FGF14: variants seen among roughly 807,000 people sequenced by gnomAD.
The protein encoded by FGF14 is fibroblast growth factor homologous factor 4.
Under a neutral mutation model 25.5 loss-of-function variants are expected in FGF14, and 5 were observed. That is an observed-to-expected ratio of 0.20 (90% CI 0.10 to 0.41). The LOEUF is 0.41. Among genes scored for constraint, FGF14 ranks in the 10% least tolerant of loss-of-function variants. The pLI, the probability that FGF14 is intolerant of heterozygous loss-of-function variation, is 1.00. For missense variants in FGF14, 222 were observed against 320.1 expected (o/e 0.69, Z 2.34); for synonymous variants, 138 against 118.3 (o/e 1.17, Z -1.08).
At position 101,810,295 on chromosome 13, in the gene FGF14, C is replaced by A. The variant is rs553836538; in HGVS notation, c.408+58430G>T. ...TTATTTATGTATTTATTTTTATGATCTATGCAGGCAACTGTGCATAGTATT... is the reference window on the plus strand; with the variant it reads ...TTATTTATGTATTTATTTTTATGATATATGCAGGCAACTGTGCATAGTATT... On this transcript the variant is annotated intron_variant, in intron 3 of 4. Coordinates refer to ENST00000376143, the MANE Select transcript of FGF14 (RefSeq NM_004115.4). Among the ~76,000 whole-genome samples, 9 of 152,284 alleles carry A rather than the reference C, an allele frequency of 5.9e-5. No individual in the cohort carries two copies. The South Asian group carries it at 1.9e-3, about 32-fold the overall frequency.
intron 1 of FGF14, among the ~76,000 whole-genome samples, chr13:102,049,593 A>T (rs1275368876): frequency 6.6e-6 from 1 of 152,210 alleles, no homozygotes; most frequent in African/African-American, 2.4e-5. Flanking sequence ...TTAAGGTTCT[A>T]ACCACCAGTA....
At chr13:102,151,728 C>G (rs1377415394) in intron 1 of FGF14, among the ~76,000 whole-genome samples, 1 of 152,104 alleles carries the variant, frequency 6.6e-6, no homozygotes, top group African/African-American at 2.4e-5. Context: ...TCTCGAACTG[C>G]TGAGCTCAGG....
chr13:102,378,631 C>CTA lies in FGF14; in HGVS notation c.208+22838_208+22839dup, dbSNP rs750576641. ...TCTATCTATCTATCTATCTATCTAT[C>CTA]TATATATATATATATCTTCTCTTTT... On this transcript the variant is annotated intron_variant, in intron 1 of 4. Transcript: ENST00000376131. Among the ~76,000 whole-genome samples the CTA allele has an allele frequency of 6.7e-3, 949 of 141,872 alleles. 16 individuals are homozygous for CTA. The highest frequency in any genetic ancestry group is 0.018 in the African/African-American group (695 of 38,146). The allele number at this position is 141,872 out of a possible 152,430, so 93.1% of individuals were successfully genotyped here.
At chr13:102,182,265 C>A (rs2048705703) in intron 1 of FGF14, among the ~76,000 whole-genome samples, 1 of 152,104 alleles carries the variant, frequency 6.6e-6, no homozygotes, top group Non-Finnish European at 1.5e-5. Context: ...AAGGAAAGAG[C>A]CATATGCCAA....
chr13:101,795,277 G>A (rs535077403), intron 3 of FGF14, among the ~76,000 whole-genome samples: 1 of 145,158 alleles, frequency 6.9e-6, no homozygotes, highest in South Asian at 2.1e-4. Context: ...GCCAAATGCT[G>A]CCCTAAGCTG....
Position 102,274,412 on chromosome 13 carries a change from G to C in FGF14, c.208+127059C>G, listed in dbSNP as rs145050711. Among the ~76,000 whole-genome samples, 129 of 152,166 alleles carry C rather than the reference G, an allele frequency of 8.5e-4. 1 individual carries two copies. The highest frequency in any genetic ancestry group is 3.0e-3 in the African/African-American group (123 of 41,508). On this transcript the variant is annotated intron_variant, in intron 1 of 4. Transcript: ENST00000376131. ...TGTCAAGTTGCTTTCTAATGGATCTGGAATTTTATTAGTTATTTATTTGTC... is the reference window on the plus strand; with the variant it reads ...TGTCAAGTTGCTTTCTAATGGATCTCGAATTTTATTAGTTATTTATTTGTC...
At chr13:102,140,194 G>A (rs561309155) in intron 1 of FGF14, among the ~76,000 whole-genome samples, 68 of 152,094 alleles carry the variant, frequency 4.5e-4, no homozygotes, top group African/African-American at 1.6e-3. Context: ...ATAATAATGG[G>A]GTCTTTGAAA....
At chr13:101,875,139 G>T in intron 2 of FGF14, 47 bp downstream of exon 2, 1 of 1,236,060 alleles carries the variant, frequency 8.1e-7, no homozygotes, top group Non-Finnish European at 1.2e-6. Flanking sequence ...AAGTAGCAGT[G>T]TATCTTCTAC....
chr13:101,998,347 A>G (rs779734845), intron 1 of FGF14, among the ~76,000 whole-genome samples: 9 of 151,950 alleles, frequency 5.9e-5, no homozygotes, highest in Non-Finnish European at 1.0e-4. Context: ...TTTTTGATGT[A>G]TGATTTAAGA....
intron 1 of FGF14, among the ~76,000 whole-genome samples, chr13:102,163,488 C>T (rs536956698): frequency 4.3e-4 from 65 of 152,198 alleles, no homozygotes; most frequent in African/African-American, 1.4e-3. Flanking sequence ...GGAAGGAAGG[C>T]CGTGTAAACC....
chr13:101,958,258 G>A (rs1382616748), intron 1 of FGF14, among the ~76,000 whole-genome samples: 1 of 152,220 alleles, frequency 6.6e-6, no homozygotes, highest in East Asian at 1.9e-4. Flanking sequence ...TGCTCTGAAT[G>A]ACCTTGGACA....
chr13:101,905,651 T>C (rs936902505), intron 1 of FGF14, among the ~76,000 whole-genome samples: 7 of 152,026 alleles, frequency 4.6e-5, no homozygotes, highest in Admixed American at 4.6e-4. Context: ...TGTATACCTA[T>C]GTAACAAAAC....
At chr13:101,794,385 G>A (rs1344050339) in intron 3 of FGF14, among the ~76,000 whole-genome samples, 1 of 152,056 alleles carries the variant, frequency 6.6e-6, no homozygotes, top group Non-Finnish European at 1.5e-5. Flanking sequence ...CTGTTGGGTA[G>A]ACTTTCTGGC....
At position 102,254,844 on chromosome 13, in the gene FGF14, G is replaced by A. The variant is rs567849175; in HGVS notation, c.208+146627C>T. ...AACCACTGACATAGCTGAAGTCCTG[G>A]AGACCTGGAGAAAATATAGAGATTG... is the stretch of plus-strand genomic sequence containing the variant. On this transcript the variant is annotated intron_variant, in intron 1 of 4. Transcript: ENST00000376131. 2.0e-5 allele frequency among the ~76,000 whole-genome samples: 3 copies of A among 152,278 alleles called. No homozygotes were observed. In the South Asian group the frequency reaches 6.2e-4, roughly 32 times the overall value.
At chr13:102,239,301 C>T (rs1382149152) in intron 1 of FGF14, among the ~76,000 whole-genome samples, 1 of 152,060 alleles carries the variant, frequency 6.6e-6, no homozygotes, top group Non-Finnish European at 1.5e-5. Context: ...GTCTAGTGTA[C>T]TTATCAGACG....
At chr13:101,817,401 T>A (rs2041897395) in intron 3 of FGF14, among the ~76,000 whole-genome samples, 1 of 152,176 alleles carries the variant, frequency 6.6e-6, no homozygotes, top group African/African-American at 2.4e-5. Context: ...TGCTCTAAAA[T>A]GTAAACACTG....
chr13:102,090,142 C>T (rs1403156953), intron 1 of FGF14, among the ~76,000 whole-genome samples: 4 of 152,122 alleles, frequency 2.6e-5, no homozygotes, highest in Non-Finnish European at 5.9e-5. Context: ...ATCATTGCAA[C>T]AAAAATTTGT....
chr13:102,294,896 T>A (rs1168849563), intron 1 of FGF14, among the ~76,000 whole-genome samples: 2 of 152,214 alleles, frequency 1.3e-5, no homozygotes, highest in African/African-American at 4.8e-5. Flanking sequence ...TGAGTTACAA[T>A]AGCACTTAGA....
rs375021586 is a variant in FGF14 at position 102,346,392 on chromosome 13, C to T, written c.208+55079G>A. Among the ~76,000 whole-genome samples, 87 of 152,088 alleles carry T rather than the reference C, an allele frequency of 5.7e-4. 2 individuals are homozygous for T. In the South Asian group the frequency reaches 0.015, roughly 26 times the overall value. ...ATTGAAGTTTAGAAAAGATTAGTAA[C>T]CCATCCCAGGTCATATAATTAGTAA... On this transcript the variant is annotated intron_variant, in intron 1 of 4. Transcript: ENST00000376131.
Sources: gnomAD v4.1 joint callset for allele counts (sites outside exome capture counted in the v4.1 genomes callset) on GRCh38, gnomAD v4.1.1 for gene constraint, MANE v1.5 for transcripts, NCBI Gene and HGNC (gene_info 2026-07-23, HGNC 2026-07-21) for gene names.